The following LIMA1 variants were observed in gnomAD, a reference collection of about 807,000 sequenced individuals.
The protein encoded by LIMA1 is LIM domain and actin binding 1, also known as LIM domain and actin-binding protein 1.
LIMA1 carries 52 observed loss-of-function variants against 62.6 expected under a neutral mutation model. The ratio of observed to expected loss-of-function variants is 0.83; its 90% CI spans 0.67 to 1.05. The LOEUF is 1.05. LIMA1 is among the 50% of genes least tolerant of loss of function. The pLI, the probability that LIMA1 is intolerant of heterozygous loss-of-function variation, is 0.00. For missense variants in LIMA1, 780 were observed against 902.2 expected (o/e 0.86, Z 1.74); for synonymous variants, 302 against 317.8 (o/e 0.95, Z 0.53).
chr12:50,176,042 C>T lies in LIMA1; in HGVS notation c.*1022G>A, dbSNP rs931298620. 6.6e-6 allele frequency: 1 copy of T among 152,064 alleles called. No homozygotes were observed. The highest frequency in any genetic ancestry group is 1.5e-5 in the Non-Finnish European group (1 of 68,020). The allele number at this position is 152,064 out of a possible 1,614,324, so 9.4% of individuals were successfully genotyped here. A position where few individuals can be genotyped will look rare whatever the true frequency, so the allele number is the denominator to read the frequency against. Reference sequence around the variant, plus strand: ...TAGAAAATCATCCCAAGAAAAAGGCCTATAGTTGGTTTAATTTCACCCTGA... The same window carrying T: ...TAGAAAATCATCCCAAGAAAAAGGCTTATAGTTGGTTTAATTTCACCCTGA... On this transcript the variant is annotated 3_prime_UTR_variant, in exon 11 of 11. Transcript: ENST00000341247.
chr12:50,225,880 G>GTGCAA (rs757680089), intron 3 of LIMA1, among the ~76,000 whole-genome samples: 5 of 152,064 alleles, frequency 3.3e-5, no homozygotes, highest in Non-Finnish European at 5.9e-5. Context: ...TATACTGTAT[G>GTGCAA]TGCAATTACC....
chr12:50,271,840 T>C (rs1301161572), intron 1 of LIMA1, among the ~76,000 whole-genome samples: 1 of 152,196 alleles, frequency 6.6e-6, no homozygotes, highest in Non-Finnish European at 1.5e-5. Flanking sequence ...TAGTACTGAA[T>C]TGCCACACAT....
At chr12:50,262,324 A>G (rs1942081859) in intron 1 of LIMA1, among the ~76,000 whole-genome samples, 1 of 152,210 alleles carries the variant, frequency 6.6e-6, no homozygotes, top group African/African-American at 2.4e-5. Flanking sequence ...ATCACTTAGG[A>G]AACTTGTATA....
intron 2 of LIMA1, among the ~76,000 whole-genome samples, chr12:50,237,198 A>G (rs1941708361): frequency 6.6e-6 from 1 of 152,268 alleles, no homozygotes; most frequent in Non-Finnish European, 1.5e-5. Flanking sequence ...AAAGACTGAG[A>G]ACAACCTGAA....
At chr12:50,201,228 G>A (rs1407717650) in intron 6 of LIMA1, 1 of 1,044,260 alleles carries the variant, frequency 9.6e-7, no homozygotes, top group Admixed American at 5.3e-5. Context: ...CAAAGCTTGT[G>A]AGTTTTATCA....
intron 2 of LIMA1, among the ~76,000 whole-genome samples, chr12:50,236,740 ACACACACACACACACGCACACG>A (rs566356023): frequency 8.6e-5 from 13 of 151,944 alleles, no homozygotes; most frequent in Non-Finnish European, 1.8e-4. Context: ...AAAACCACAC[ACACACACACACACACGCACACG>A]CACACAGCTA....
chr12:50,224,485 A>G (rs1318340793), intron 3 of LIMA1: 1 of 152,232 alleles, frequency 6.6e-6, no homozygotes, highest in Non-Finnish European at 1.5e-5. Context: ...CCTAACTGCC[A>G]GCAGCACTCT....
At chr12:50,221,687 AC>A (rs1941444198) in intron 4 of LIMA1, among the ~76,000 whole-genome samples, 1 of 152,108 alleles carries the variant, frequency 6.6e-6, no homozygotes, top group South Asian at 2.1e-4. Context: ...CAGTAATTCC[AC>A]CCCCAAAGCT....
At chr12:50,263,655 G>T (rs949341835) in intron 1 of LIMA1, among the ~76,000 whole-genome samples, 2 of 151,672 alleles carry the variant, frequency 1.3e-5, no homozygotes, top group East Asian at 1.9e-4. Context: ...TAGCGAGGAC[G>T]TGGAGAAACT....
chr12:50,217,771 G>T, intron 4 of LIMA1: 1 of 329,172 alleles, frequency 3.0e-6, no homozygotes, highest in South Asian at 2.8e-5. Flanking sequence ...TGCTGTGAAT[G>T]GCACAACTCA....
At chr12:50,183,957 A>G (rs1435332240) in intron 9 of LIMA1, among the ~76,000 whole-genome samples, 1 of 152,132 alleles carries the variant, frequency 6.6e-6, no homozygotes, top group Non-Finnish European at 1.5e-5. Context: ...AGAGCAGAAA[A>G]TGTGCATAAA....
At chr12:50,192,299 G>A (rs1434392075) in intron 9 of LIMA1, among the ~76,000 whole-genome samples, 153 bp downstream of exon 9, 1 of 152,162 alleles carries the variant, frequency 6.6e-6, no homozygotes, top group Non-Finnish European at 1.5e-5. Flanking sequence ...AAGATTTCCA[G>A]GGAAAGCGAC....
At position 50,176,988 on chromosome 12, in the gene LIMA1, G is replaced by T; in HGVS notation, c.*76C>A. 1.8e-6 allele frequency: 2 copies of T among 1,142,288 alleles called. No homozygotes were observed. Among genetic ancestry groups the T allele is most frequent in the Non-Finnish European group, 2.4e-6 (2 of 829,176 alleles). The allele number at this position is 1,142,288 out of a possible 1,614,324, so 70.8% of individuals were successfully genotyped here. A position where few individuals can be genotyped will look rare whatever the true frequency, so the allele number is the denominator to read the frequency against. ...ATTTCATGCTGGGATACCTGCTTATGTGCATCACATTTTGACAAAGGGCAG... is the reference window on the plus strand; with the variant it reads ...ATTTCATGCTGGGATACCTGCTTATTTGCATCACATTTTGACAAAGGGCAG... On this transcript the variant is annotated 3_prime_UTR_variant, in exon 11 of 11. Coordinates refer to ENST00000341247, the MANE Select transcript of LIMA1 (RefSeq NM_016357.5).
At chr12:50,211,323 C>T (rs1941251939) in intron 4 of LIMA1, among the ~76,000 whole-genome samples, 1 of 141,148 alleles carries the variant, frequency 7.1e-6, no homozygotes, top group Non-Finnish European at 1.5e-5. Context: ...AACTCCGCCC[C>T]ACCCCCCCAA....
intron 1 of LIMA1, among the ~76,000 whole-genome samples, chr12:50,271,368 A>C (rs1942209859): frequency 6.6e-6 from 1 of 152,192 alleles, no homozygotes; most frequent in Admixed American, 6.5e-5. Context: ...TAAATTAAAA[A>C]ATTACCAGAT....
In LIMA1 at chr12:50,243,513, T is replaced by C. The variant is rs79668946; in HGVS notation, c.119+5120A>G. Among the ~76,000 whole-genome samples, 992 of 152,326 alleles carry C rather than the reference T, an allele frequency of 6.5e-3. 10 individuals are homozygous for C. Among genetic ancestry groups the C allele is most frequent in the African/African-American group, 0.023 (964 of 41,568 alleles). On this transcript the variant is annotated intron_variant, in intron 2 of 10. Transcript: ENST00000341247. ...CGGAAAATAGTCCTGCAGTCTTCTTTGGGAAGCTGCAGTGAGTGAACCTTA... is the reference window on the plus strand; with the variant it reads ...CGGAAAATAGTCCTGCAGTCTTCTTCGGGAAGCTGCAGTGAGTGAACCTTA...
intron 2 of LIMA1, among the ~76,000 whole-genome samples, chr12:50,241,933 ATTTTTTTTTTTTTTTTTT>A (rs577308413): frequency 1.2e-3 from 44 of 36,434 alleles, no homozygotes; most frequent in African/African-American, 2.4e-3. Context: ...TCCTTCCCAG[ATTTTTTTTTTTTTTTTTT>A]TTTTTTTTTT....
chr12:50,281,891 T>C (rs373256684), intron 1 of LIMA1, among the ~76,000 whole-genome samples: 91 of 152,316 alleles, frequency 6.0e-4, no homozygotes, highest in African/African-American at 2.2e-3. Flanking sequence ...AGAAATGACC[T>C]CACTAATACC....
At chr12:50,206,192 A>C in intron 4 of LIMA1, 124 bp from the exon 5 acceptor site, 1 of 697,584 alleles carries the variant, frequency 1.4e-6, no homozygotes, top group Non-Finnish European at 2.2e-6. Flanking sequence ...TATTCTATAG[A>C]ATTTTTTTTA....
Sources: gnomAD v4.1 joint callset for allele counts (sites outside exome capture counted in the v4.1 genomes callset) on GRCh38, gnomAD v4.1.1 for gene constraint, MANE v1.5 for transcripts, NCBI Gene and HGNC (gene_info 2026-07-23, HGNC 2026-07-21) for gene names.